Variants in DCLK2 observed in about 807,000 individuals in gnomAD.
DCLK2 encodes doublecortin like kinase 2.
DCLK2 carries 31 observed loss-of-function variants against 78.4 expected under a neutral mutation model. That is an observed-to-expected ratio of 0.40 (90% CI 0.30 to 0.53). The LOEUF is 0.53. Among genes scored for constraint, DCLK2 ranks in the 20% least tolerant of loss-of-function variants. The pLI, the probability that DCLK2 is intolerant of heterozygous loss-of-function variation, is 0.61. For missense variants in DCLK2, 872 were observed against 973.7 expected (o/e 0.90, Z 1.39); for synonymous variants, 407 against 374.9 (o/e 1.09, Z -0.99).
chr4:150,096,331 T>C (rs1263403066), intron 1 of DCLK2, among the ~76,000 whole-genome samples: 1 of 152,008 alleles, frequency 6.6e-6, no homozygotes, highest in African/African-American at 2.4e-5. Flanking sequence ...TAATGGAGAG[T>C]GAAATTCGTT....
At chr4:150,095,146 A>C (rs1300450442) in intron 1 of DCLK2, among the ~76,000 whole-genome samples, 1 of 152,234 alleles carries the variant, frequency 6.6e-6, no homozygotes, top group South Asian at 2.1e-4. Flanking sequence ...CATAAAACAC[A>C]CGCAGCCAGA....
intron 2 of DCLK2, among the ~76,000 whole-genome samples, chr4:150,135,165 TACACAC>T (rs57866267): frequency 6.1e-5 from 9 of 146,818 alleles, no homozygotes; most frequent in African/African-American, 1.2e-4. Context: ...CATACACGTG[TACACAC>T]ACACACACAC....
Position 150,240,289 on chromosome 4 carries a change from T to G in DCLK2, c.1701-110T>G. ...TCTCTATGTGAAATGAAATGAATAATTTAACACTAAAATAATCCTTTTCCT... is the reference window on the plus strand; with the variant it reads ...TCTCTATGTGAAATGAAATGAATAAGTTAACACTAAAATAATCCTTTTCCT... On this transcript the variant is annotated intron_variant, in intron 11 of 15. Coordinates refer to ENST00000296550, the MANE Select transcript of DCLK2 (RefSeq NM_001040260.4). The G allele has an allele frequency of 3.3e-6, 3 of 915,232 alleles. No homozygotes were observed. The Admixed American group carries it at 7.4e-5, about 23-fold the overall frequency. 56.7% of individuals were successfully genotyped at this position (915,232 alleles called of 1,614,324 possible). A position where few individuals can be genotyped will look rare whatever the true frequency, so the allele number is the denominator to read the frequency against.
chr4:150,088,563 G>T (rs771404684), intron 1 of DCLK2, among the ~76,000 whole-genome samples: 1 of 151,876 alleles, frequency 6.6e-6, no homozygotes, highest in Admixed American at 6.6e-5. Flanking sequence ...CTCAGTCTCC[G>T]GTTAGCTGGG....
At chr4:150,213,489 A>G (rs917319561) in intron 5 of DCLK2, among the ~76,000 whole-genome samples, 1 of 152,208 alleles carries the variant, frequency 6.6e-6, no homozygotes, top group African/African-American at 2.4e-5. Flanking sequence ...CAGCATTTAT[A>G]ATACTTTACA....
chr4:150,181,616 T>TC (rs1488197991), intron 2 of DCLK2, among the ~76,000 whole-genome samples: 2 of 150,508 alleles, frequency 1.3e-5, no homozygotes, highest in African/African-American at 5.0e-5. Context: ...TTAGATCCAG[T>TC]GTTTTTTTAT....
intron 2 of DCLK2, among the ~76,000 whole-genome samples, chr4:150,157,878 C>T (rs184407179): frequency 3.9e-5 from 6 of 152,262 alleles, no homozygotes; most frequent in Admixed American, 3.9e-4. Flanking sequence ...ATCTGCCTGC[C>T]TCAGCCTCCC....
chr4:150,171,994 G>A (rs754813029), intron 2 of DCLK2, among the ~76,000 whole-genome samples: 7 of 152,128 alleles, frequency 4.6e-5, no homozygotes, highest in Admixed American at 2.6e-4. Flanking sequence ...TTAAATTATT[G>A]CCTTCTCATC....
rs558898196 is a variant in DCLK2, at chr4:150,087,379, T to A, written c.421+7931T>A. On this transcript the variant is annotated intron_variant, in intron 1 of 15. Coordinates refer to ENST00000296550, the MANE Select transcript of DCLK2 (RefSeq NM_001040260.4). ...AATAGATGTTTTAAAATATTTTCAT[T>A]GATCTCTTCCTTCACTATATGTTTT... 2.6e-3 allele frequency among the ~76,000 whole-genome samples: 392 copies of A among 152,372 alleles called. 3 individuals carry two copies. Among genetic ancestry groups the A allele is most frequent in the African/African-American group, 8.9e-3 (369 of 41,592 alleles).
chr4:150,132,816 C>T (rs1015913667), intron 2 of DCLK2, among the ~76,000 whole-genome samples: 4 of 152,136 alleles, frequency 2.6e-5, no homozygotes, highest in East Asian at 1.9e-4. Flanking sequence ...TTTGTAGAGA[C>T]GGGGTCTCAC....
intron 2 of DCLK2, among the ~76,000 whole-genome samples, chr4:150,131,298 A>G (rs1371537937): frequency 1.3e-5 from 2 of 152,188 alleles, no homozygotes; most frequent in Non-Finnish European, 2.9e-5. Context: ...TGATATTAAA[A>G]ATACATACTT....
At chr4:150,173,493 G>A (rs1005776640) in intron 2 of DCLK2, among the ~76,000 whole-genome samples, 5 of 152,162 alleles carry the variant, frequency 3.3e-5, no homozygotes, top group Non-Finnish European at 7.3e-5. Flanking sequence ...CTGAGGTGTC[G>A]TGTGATGAAG....
At chr4:150,130,658 C>A (rs1028709454) in intron 2 of DCLK2, among the ~76,000 whole-genome samples, 15 of 152,066 alleles carry the variant, frequency 9.9e-5, no homozygotes, top group Admixed American at 2.6e-4. Flanking sequence ...ATAATGAAAA[C>A]TGCTTTGGGG....
chr4:150,190,053 G>GAAAA lies in DCLK2; in HGVS notation c.757-3085_757-3084insAAAA. On this transcript the variant is annotated intron_variant, in intron 2 of 15. Coordinates refer to ENST00000296550, the MANE Select transcript of DCLK2 (RefSeq NM_001040260.4). ...CTGTCTCAAAAAAAAAAAAAAAAAG[G>GAAAA]CCAAGTGTGGTGGCTGTGGTCCCAG... is the stretch of plus-strand genomic sequence containing the variant. Among the ~76,000 whole-genome samples, 2 of 12,980 alleles carry GAAAA rather than the reference G, an allele frequency of 1.5e-4. 1 individual carries two copies. The highest frequency in any genetic ancestry group is 3.8e-4 in the African/African-American group (2 of 5,310). The allele number at this position is 12,980 out of a possible 152,430, so 8.5% of individuals were successfully genotyped here. A position where few individuals can be genotyped will look rare whatever the true frequency, so the allele number is the denominator to read the frequency against.
chr4:150,241,249 T>G (rs1371873539), intron 12 of DCLK2, among the ~76,000 whole-genome samples: 1 of 152,226 alleles, frequency 6.6e-6, no homozygotes, highest in Non-Finnish European at 1.5e-5. Context: ...GAGTGAGTCT[T>G]GGTAACCATT....
At chr4:150,226,182 A>G (rs369373173) in intron 8 of DCLK2, among the ~76,000 whole-genome samples, 9 of 151,624 alleles carry the variant, frequency 5.9e-5, no homozygotes, top group African/African-American at 2.2e-4. Flanking sequence ...AAATCTTCTC[A>G]GAACTCCAGA....
intron 15 of DCLK2, chr4:150,253,279 A>G (rs917110615): frequency 3.4e-6 from 2 of 591,136 alleles, no homozygotes; most frequent in Non-Finnish European, 6.1e-6. Flanking sequence ...ATGATAGTGG[A>G]AATAGTGTCA....
chr4:150,253,116 TC>T (rs1201997943), intron 15 of DCLK2: 33 of 448,068 alleles, frequency 7.4e-5, no homozygotes, highest in Admixed American at 5.4e-4. Flanking sequence ...ATCCTCCTCA[TC>T]CTCCTCATCC....
At chr4:150,189,610 A>T (rs1738239201) in intron 2 of DCLK2, among the ~76,000 whole-genome samples, 1 of 152,174 alleles carries the variant, frequency 6.6e-6, no homozygotes, top group Non-Finnish European at 1.5e-5. Flanking sequence ...GGATTGAGAT[A>T]ATACATGCCG....
Sources: allele counts gnomAD v4.1 joint callset (sites outside exome capture counted in the v4.1 genomes callset), GRCh38; gene constraint gnomAD v4.1.1; transcripts MANE v1.5; gene names NCBI Gene and HGNC (gene_info 2026-07-23, HGNC 2026-07-21).